The following TIMM8B variants were observed in gnomAD, a reference collection of about 807,000 sequenced individuals.
The protein encoded by TIMM8B is translocase of inner mitochondrial membrane 8 homolog B.
Under a neutral mutation model 8.5 loss-of-function variants are expected in TIMM8B, and 5 were observed. The ratio of observed to expected loss-of-function variants is 0.59; its 90% CI spans 0.31 to 1.24. The LOEUF (loss-of-function observed/expected upper bound fraction) is 1.24. Ranked by LOEUF, TIMM8B falls within the 50% of genes most tolerant of loss-of-function variation. The probability of loss-of-function intolerance (pLI) is 0.07; values close to 1 mark genes in which losing one functional copy is unlikely to be tolerated. For missense variants in TIMM8B, 104 were observed against 109.2 expected (o/e 0.95, Z 0.21); for synonymous variants, 44 against 39.9 (o/e 1.10, Z -0.39).
Position 112,085,125 on chromosome 11 carries a change from CAAAT to C in TIMM8B, c.*166_*169del. ...CATACAACCTGGAATTTCTGAATTC[CAAAT>C]AAATAAATTTCACTCTTTGAACATT... On this transcript the variant is annotated 3_prime_UTR_variant, in exon 2 of 2. Transcript: ENST00000504148. 1 of 486,020 alleles carries C rather than the reference CAAAT, an allele frequency of 2.1e-6. No homozygotes were observed. Among genetic ancestry groups the C allele is most frequent in the Admixed American group, 3.7e-5 (1 of 26,912 alleles). The allele number at this position is 486,020 out of a possible 1,614,324, so 30.1% of individuals were successfully genotyped here. A position where few individuals can be genotyped will look rare whatever the true frequency, so the allele number is the denominator to read the frequency against.
intron 1 of TIMM8B, 78 bp from the exon 2 acceptor site, chr11:112,085,540 A>T: frequency 8.0e-7 from 1 of 1,245,782 alleles, no homozygotes; most frequent in Non-Finnish European, 1.1e-6. Flanking sequence ...TCACTTTTTG[A>T]CACCTGACAA....
At position 112,085,929 on chromosome 11, in the gene TIMM8B, C is replaced by A. The variant is rs1017879724; in HGVS notation, c.85-467G>T. On this transcript the variant is annotated intron_variant, in intron 1 of 1. Coordinates refer to ENST00000504148, the MANE Select transcript of TIMM8B (RefSeq NM_012459.4). The stretch of plus-strand genomic sequence containing the variant: ...AGGGTTCTTGCTGGTCATCCGAGCA[C>A]CCTCTTCCTCCCACCCAAAAGGAAA... The A allele has an allele frequency of 3.3e-5, 30 of 917,172 alleles. No individual in the cohort carries two copies. In the African/African-American group the frequency reaches 5.2e-4, roughly 16 times the overall value. The allele number at this position is 917,172 out of a possible 1,614,324, so 56.8% of individuals were successfully genotyped here. A position where few individuals can be genotyped will look rare whatever the true frequency, so the allele number is the denominator to read the frequency against.
chr11:112,085,769 C>T (rs926296042), intron 1 of TIMM8B, among the ~76,000 whole-genome samples: 3 of 152,204 alleles, frequency 2.0e-5, no homozygotes, highest in African/African-American at 7.2e-5. Flanking sequence ...TTATTCCAAA[C>T]CTATCCCCTA....
Position 112,085,364 on chromosome 11 carries a change from G to T in TIMM8B, c.183C>A (p.Asp61Glu), listed in dbSNP as rs774537987. The change falls in exon 2 of 2, where the codon GAC becomes GAA. Residue 61 changes from aspartate to glutamate, a missense_variant. Physicochemically the swap from Asp to Glu is conservative, Grantham distance 45. Coordinates refer to ENST00000504148, the MANE Select transcript of TIMM8B (RefSeq NM_012459.4). ...TGGCAAGAGTGGTGTCAATGAAGCG[G>T]TCTACACAGCTGGAGAGACAATTTT... ...RTENCLSSCV[D>E]RFIDTTLAIT... 1 of 1,613,708 alleles carries T rather than the reference G, an allele frequency of 6.2e-7. No individual in the cohort carries two copies. Among genetic ancestry groups the T allele is most frequent in the East Asian group, 2.2e-5 (1 of 44,886 alleles).
intron 1 of TIMM8B, chr11:112,086,250 G>A (rs1205591926): frequency 6.0e-6 from 3 of 496,114 alleles, no homozygotes; most frequent in African/African-American, 5.9e-5. Context: ...CAGTGAGGCA[G>A]TGGGGTGACG....
chr11:112,086,350 G>T, intron 1 of TIMM8B: 1 of 595,444 alleles, frequency 1.7e-6, no homozygotes, highest in Non-Finnish European at 3.1e-6. Flanking sequence ...CAGATCTTTC[G>T]AATGCCAGCC....
At position 112,084,951 on chromosome 11, in the gene TIMM8B, G is replaced by A. The variant is rs1427844225; in HGVS notation, c.*344C>T. 5.5e-6 allele frequency: 1 copy of A among 182,594 alleles called. No individual in the cohort carries two copies. The highest frequency in any genetic ancestry group is 1.1e-5 in the Non-Finnish European group (1 of 87,912). 11.3% of individuals were successfully genotyped at this position (182,594 alleles called of 1,614,324 possible). A position where few individuals can be genotyped will look rare whatever the true frequency, so the allele number is the denominator to read the frequency against. On this transcript the variant is annotated 3_prime_UTR_variant, in exon 2 of 2. Coordinates refer to ENST00000504148, the MANE Select transcript of TIMM8B (RefSeq NM_012459.4). ...AACCCCCTTAATATGGCTTAGGGTG[G>A]TTTTTCAAAACCTACAATCCCCCAT...
At position 112,086,697 on chromosome 11, in the gene TIMM8B, T is replaced by C. The variant is rs1865608577; in HGVS notation, c.27A>G (p.Glu9=). The change falls in exon 1 of 2, where the codon GAA becomes GAG. Residue 9 remains glutamate (E), a synonymous_variant. Transcript: ENST00000504148. ...CGGCCACCAGGCGCTGCAACTCCGCTTCATCGGCTTCGCCCAGCTCCGCCA... is the reference window on the plus strand; with the variant it reads ...CGGCCACCAGGCGCTGCAACTCCGCCTCATCGGCTTCGCCCAGCTCCGCCA... MAELGEAD[E]AELQRLVAAE... is the part of the protein sequence containing the mutation. 1 of 1,603,178 alleles carries C rather than the reference T, an allele frequency of 6.2e-7. No homozygotes were observed. Among genetic ancestry groups the C allele is most frequent in the African/African-American group, 1.3e-5 (1 of 74,880 alleles).
In TIMM8B at chr11:112,085,383, C is replaced by A; in HGVS notation, c.164G>T (p.Cys55Phe). ...GNRLDSRTEN[C>F]LSSCVDRFID... ...GAAGCGGTCTACACAGCTGGAGAGA[C>A]AATTTTCAGTGCGAGAGTCTAGGCG... The change falls in exon 2 of 2, where the codon TGT (cysteine) becomes TTT (phenylalanine). Residue 55 changes from cysteine to phenylalanine, a missense_variant. By Grantham distance (205) the Cys-to-Phe change is radical. Transcript: ENST00000504148. 6.2e-7 allele frequency: 1 copy of A among 1,614,018 alleles called. No homozygotes were observed.
In TIMM8B at chr11:112,086,716, T is replaced by TCCGCCATTGTTCGCCTCAGGCTCG; in HGVS notation, c.-17_7dup (p.Ala2_Glu3insAlaSerLeuArgArgThrMetAla). On this transcript the variant is annotated inframe_insertion, in exon 1 of 2. Coordinates refer to ENST00000504148, the MANE Select transcript of TIMM8B (RefSeq NM_012459.4). Reference sequence around the variant, plus strand: ...CTCCGCTTCATCGGCTTCGCCCAGCTCCGCCATTGTTCGCCTCAGGCTCGC... The same window carrying TCCGCCATTGTTCGCCTCAGGCTCG: ...CTCCGCTTCATCGGCTTCGCCCAGCTCCGCCATTGTTCGCCTCAGGCTCGCCGCCATTGTTCGCCTCAGGCTCGC... 1 of 1,602,506 alleles carries TCCGCCATTGTTCGCCTCAGGCTCG rather than the reference T, an allele frequency of 6.2e-7. No individual in the cohort carries two copies. Among genetic ancestry groups the TCCGCCATTGTTCGCCTCAGGCTCG allele is most frequent in the Admixed American group, 1.7e-5 (1 of 59,086 alleles).
intron 1 of TIMM8B, chr11:112,086,357 A>G (rs1865597244): frequency 1.6e-6 from 1 of 609,854 alleles, no homozygotes; most frequent in Non-Finnish European, 3.0e-6. Flanking sequence ...TTCGAATGCC[A>G]GCCCAGTCAT....
In TIMM8B at chr11:112,085,418, C is replaced by CT; in HGVS notation, c.128dup (p.Pro44AlafsTer10). On this transcript the variant is annotated frameshift_variant, in exon 2 of 2. Transcript: ENST00000504148. LOFTEE classifies it high-confidence loss of function. ...TGCGAGAGTCTAGGCGATTCCCTGGCTTCTCCACACATTTATCCCAACATA... is the reference window on the plus strand; with the variant it reads ...TGCGAGAGTCTAGGCGATTCCCTGGCTTTCTCCACACATTTATCCCAACATA... 6 of 1,614,044 alleles carry CT rather than the reference C, an allele frequency of 3.7e-6. No individual in the cohort carries two copies. The highest frequency in any genetic ancestry group is 5.1e-6 in the Non-Finnish European group (6 of 1,179,936).
chr11:112,085,034 A>T lies in TIMM8B; in HGVS notation c.*261T>A. Reference sequence around the variant, plus strand: ...GTGTTCCTGCCAATCAGAGATCTCTATATTAAATTCTAAAATGGGATTAAA... The same window carrying T: ...GTGTTCCTGCCAATCAGAGATCTCTTTATTAAATTCTAAAATGGGATTAAA... On this transcript the variant is annotated 3_prime_UTR_variant, in exon 2 of 2. Transcript: ENST00000504148. The T allele has an allele frequency of 3.1e-6, 1 of 321,904 alleles. No homozygotes were observed. The highest frequency in any genetic ancestry group is 5.7e-6 in the Non-Finnish European group (1 of 174,846). 19.9% of individuals were successfully genotyped at this position (321,904 alleles called of 1,614,324 possible). A position where few individuals can be genotyped will look rare whatever the true frequency, so the allele number is the denominator to read the frequency against.
At chr11:112,086,294 T>G in intron 1 of TIMM8B, 1 of 510,140 alleles carries the variant, frequency 2.0e-6, no homozygotes, top group Non-Finnish European at 3.8e-6. Flanking sequence ...TGAGTATCTT[T>G]TCTACGGGCA....
chr11:112,085,590 T>C, intron 1 of TIMM8B, 128 bp from the exon 2 acceptor site: 1 of 707,104 alleles, frequency 1.4e-6, no homozygotes, highest in South Asian at 2.2e-5. Context: ...CTTTGGGCTC[T>C]TCTCTTTCTT....
At position 112,085,104 on chromosome 11, in the gene TIMM8B, C is replaced by A; in HGVS notation, c.*191G>T. The A allele has an allele frequency of 2.2e-6, 1 of 459,358 alleles. No homozygotes were observed. The highest frequency in any genetic ancestry group is 5.9e-5 in the South Asian group (1 of 16,924). The allele number at this position is 459,358 out of a possible 1,614,324, so 28.5% of individuals were successfully genotyped here. A position where few individuals can be genotyped will look rare whatever the true frequency, so the allele number is the denominator to read the frequency against. Reference sequence around the variant, plus strand: ...CACTTATTGAGTAACTGATGTCATACAACCTGGAATTTCTGAATTCCAAAT... The same window carrying A: ...CACTTATTGAGTAACTGATGTCATAAAACCTGGAATTTCTGAATTCCAAAT... On this transcript the variant is annotated 3_prime_UTR_variant, in exon 2 of 2. Transcript: ENST00000504148.
At position 112,085,346 on chromosome 11, in the gene TIMM8B, AGTGGT is replaced by A. The variant is rs1237762060; in HGVS notation, c.196_200del (p.Thr66SerfsTer24). On this transcript the variant is annotated frameshift_variant, in exon 2 of 2. Transcript: ENST00000504148. LOFTEE classifies it high-confidence loss of function. ...GGGCAAACCGACTGGTGATGGCAAG[AGTGGT>A]GTCAATGAAGCGGTCTACACAGCTG... The A allele has an allele frequency of 2.5e-6, 4 of 1,613,106 alleles. No individual in the cohort carries two copies. The African/African-American group carries it at 5.3e-5, about 22-fold the overall frequency.
Position 112,085,428 on chromosome 11 carries a change from C to T in TIMM8B, c.119G>A (p.Cys40Tyr). Residue 40 changes from cysteine (C) to tyrosine (Y), a missense_variant, in exon 2 of 2, where the codon TGT becomes TAT. Cys to Tyr is a radical substitution (Grantham distance 194). Transcript: ENST00000504148. ...TAGGCGATTCCCTGGCTTCTCCACA[C>T]ATTTATCCCAACATAACTCCATGAA... ...HHFMELCWDK[C>Y]VEKPGNRLDS... 1.2e-6 allele frequency: 2 copies of T among 1,614,006 alleles called. No individual in the cohort carries two copies. The highest frequency in any genetic ancestry group is 1.1e-5 in the South Asian group (1 of 91,060).
chr11:112,086,595 AG>A (rs1175067235), intron 1 of TIMM8B, 44 bp downstream of exon 1: 1 of 1,525,144 alleles, frequency 6.6e-7, no homozygotes, highest in Non-Finnish European at 8.8e-7. Flanking sequence ...AGGACCACCA[AG>A]GAAGGTGAAA....
Sources: allele counts gnomAD v4.1 joint callset (sites outside exome capture counted in the v4.1 genomes callset), GRCh38; gene constraint gnomAD v4.1.1; transcripts MANE v1.5; gene names NCBI Gene and HGNC (gene_info 2026-07-23, HGNC 2026-07-21).